The following DHRSX variants were observed in gnomAD, a reference collection of about 807,000 sequenced individuals.
The protein encoded by DHRSX is polyprenol dehydrogenase.
In DHRSX, 31 loss-of-function variants were observed where a neutral mutation model predicts 34.0. That is an observed-to-expected ratio of 0.91 (90% CI 0.69 to 1.23). The LOEUF is 1.23. DHRSX is among the 50% of genes most tolerant of loss of function. DHRSX has a pLI of 0.00. For missense variants in DHRSX, 414 were observed against 428.1 expected (o/e 0.97, Z 0.29); for synonymous variants, 201 against 183.8 (o/e 1.09, Z -0.76).
In DHRSX at chrX:2,499,134, A is replaced by G. The variant is rs769464297; in HGVS notation, c.109+1683T>C. Among the ~76,000 whole-genome samples, 18 of 152,222 alleles carry G rather than the reference A, an allele frequency of 1.2e-4. No homozygotes were observed. In the South Asian group the frequency reaches 3.7e-3, roughly 32 times the overall value. On this transcript the variant is annotated intron_variant, in intron 1 of 6. Coordinates refer to ENST00000334651, the MANE Select transcript of DHRSX (RefSeq NM_145177.3). ...GCGCTGGGACCCCTGGGATTCCTTCAGTGGGTGCAGAGTGGAAGTCAAAAG... is the reference window on the plus strand; with the variant it reads ...GCGCTGGGACCCCTGGGATTCCTTCGGTGGGTGCAGAGTGGAAGTCAAAAG...
In DHRSX at chrX:2,465,825, A is replaced by G. The variant is rs905719532; in HGVS notation, c.109+34992T>C. On this transcript the variant is annotated intron_variant, in intron 1 of 6. Transcript: ENST00000334651. Reference sequence around the variant, plus strand: ...ACTCCATCGCAAAAAAAAAAAAAAAAAGAGAAAAGAAAACAGACATATTCA... The same window carrying G: ...ACTCCATCGCAAAAAAAAAAAAAAAGAGAGAAAAGAAAACAGACATATTCA... Among the ~76,000 whole-genome samples the G allele has an allele frequency of 1.0e-3, 118 of 116,504 alleles. 1 individual carries two copies. Among genetic ancestry groups the G allele is most frequent in the African/African-American group, 4.0e-3 (96 of 24,254 alleles). 76.4% of individuals were successfully genotyped at this position (116,504 alleles called of 152,430 possible).
chrX:2,224,113 T>C (rs2015581082), intron 6 of DHRSX, among the ~76,000 whole-genome samples: 1 of 152,244 alleles, frequency 6.6e-6, no homozygotes, highest in South Asian at 2.1e-4. Context: ...AATCAGCTCC[T>C]GGAACAAGTT....
intron 3 of DHRSX, among the ~76,000 whole-genome samples, chrX:2,367,395 G>A (rs2043006489): frequency 6.7e-6 from 1 of 149,332 alleles, no homozygotes; most frequent in African/African-American, 2.5e-5. Flanking sequence ...CCAAGCTTGT[G>A]CCACTGCACT....
At position 2,403,797 on chromosome X, in the gene DHRSX, A is replaced by G. The variant is rs187092034; in HGVS notation, c.286+4948T>C. 4.0e-4 allele frequency among the ~76,000 whole-genome samples: 60 copies of G among 150,146 alleles called. 1 individual carries two copies. The East Asian group carries it at 0.011, about 28-fold the overall frequency. On this transcript the variant is annotated intron_variant, in intron 3 of 6. Coordinates refer to ENST00000334651, the MANE Select transcript of DHRSX (RefSeq NM_145177.3). ...CTTGAACCCGGGAGGCGGAGGTTGC[A>G]GTGAGCCGAGATCACACCACTGCAT... is the stretch of plus-strand genomic sequence containing the variant.
At chrX:2,328,250 G>A (rs1474434463) in intron 3 of DHRSX, among the ~76,000 whole-genome samples, 6 of 151,476 alleles carry the variant, frequency 4.0e-5, no homozygotes, top group Non-Finnish European at 5.9e-5. Flanking sequence ...GAGAATAAAC[G>A]TCTGTTGTTT....
chrX:2,282,801 G>GA (rs778647534), intron 4 of DHRSX, among the ~76,000 whole-genome samples: 36,692 of 97,000 alleles, frequency 0.38, 8,465 homozygotes, highest in Non-Finnish European at 0.46. Flanking sequence ...AGAAGAAAGA[G>GA]AGAAGAGAGA....
At chrX:2,254,800 C>G (rs760569303) in intron 5 of DHRSX, among the ~76,000 whole-genome samples, 23 of 151,970 alleles carry the variant, frequency 1.5e-4, no homozygotes, top group African/African-American at 5.1e-4. Flanking sequence ...GTGCCCGCCA[C>G]CACACTCAGC....
At chrX:2,304,650 G>C (rs1307485660) in intron 3 of DHRSX, among the ~76,000 whole-genome samples, 2 of 152,080 alleles carry the variant, frequency 1.3e-5, no homozygotes, top group African/African-American at 4.8e-5. Context: ...GGCCATGTAA[G>C]ACACCTGCTT....
intron 3 of DHRSX, among the ~76,000 whole-genome samples, chrX:2,311,258 AAG>A (rs1428590355): frequency 6.6e-6 from 1 of 151,804 alleles, no homozygotes; most frequent in Non-Finnish European, 1.5e-5. Flanking sequence ...CAGAGAGAGA[AAG>A]AGAGAGATGG....
chrX:2,345,429 G>C (rs2042693375), intron 3 of DHRSX, among the ~76,000 whole-genome samples: 2 of 151,744 alleles, frequency 1.3e-5, no homozygotes, highest in Admixed American at 6.6e-5. Context: ...GATCATCTGA[G>C]GTCAGGAGTT....
At chrX:2,430,575 T>C (rs2043906374) in intron 1 of DHRSX, among the ~76,000 whole-genome samples, 1 of 152,136 alleles carries the variant, frequency 6.6e-6, no homozygotes, top group Non-Finnish European at 1.5e-5. Context: ...CCTCGCCGTC[T>C]CTTTCTTCAC....
chrX:2,225,619 T>G (rs1472932720), intron 6 of DHRSX, among the ~76,000 whole-genome samples: 1 of 150,818 alleles, frequency 6.6e-6, no homozygotes, highest in African/African-American at 2.4e-5. Flanking sequence ...TCAATGTATG[T>G]CGTTTCTAAG....
intron 1 of DHRSX, among the ~76,000 whole-genome samples, chrX:2,480,481 A>G (rs2044752082): frequency 6.7e-6 from 1 of 149,320 alleles, no homozygotes; most frequent in Non-Finnish European, 1.5e-5. Flanking sequence ...CAAGAGTTTG[A>G]GACAAGCCTG....
chrX:2,348,374 G>C (rs1418498871), intron 3 of DHRSX, among the ~76,000 whole-genome samples: 1 of 152,166 alleles, frequency 6.6e-6, no homozygotes, highest in Non-Finnish European at 1.5e-5. Flanking sequence ...TGCAGCCAGG[G>C]TTTTGATGCA....
chrX:2,467,380 C>T (rs1383234461), intron 1 of DHRSX, among the ~76,000 whole-genome samples: 1 of 152,154 alleles, frequency 6.6e-6, no homozygotes, highest in Non-Finnish European at 1.5e-5. Context: ...AGTTTGTTCA[C>T]AGCCGTGATT....
At chrX:2,409,979 G>A (rs1391576179) in intron 2 of DHRSX, among the ~76,000 whole-genome samples, 1 of 152,070 alleles carries the variant, frequency 6.6e-6, no homozygotes, top group Admixed American at 6.5e-5. Context: ...TGATCCTCCC[G>A]CCTCGGCCTC....
intron 1 of DHRSX, among the ~76,000 whole-genome samples, chrX:2,431,723 A>C (rs753499945): frequency 9.9e-5 from 15 of 152,272 alleles, no homozygotes; most frequent in African/African-American, 3.6e-4. Flanking sequence ...GATGGACATA[A>C]AGATGGGAAC....
intron 5 of DHRSX, among the ~76,000 whole-genome samples, chrX:2,262,068 T>G (rs2041370733): frequency 6.6e-6 from 1 of 152,188 alleles, no homozygotes; most frequent in South Asian, 2.1e-4. Flanking sequence ...GCTCCGTGTG[T>G]GGAGCCCCGA....
chrX:2,238,632 G>A (rs751629261), intron 6 of DHRSX, among the ~76,000 whole-genome samples: 1 of 149,068 alleles, frequency 6.7e-6, no homozygotes, highest in East Asian at 2.0e-4. Context: ...CACCCAGGCT[G>A]GAGTGCAATG....
Sources: allele counts gnomAD v4.1 joint callset (sites outside exome capture counted in the v4.1 genomes callset), GRCh38; gene constraint gnomAD v4.1.1; transcripts MANE v1.5; gene names NCBI Gene and HGNC (gene_info 2026-07-23, HGNC 2026-07-21).